Variants in UBE2R2 observed in about 807,000 individuals in gnomAD.
UBE2R2 encodes ubiquitin-conjugating enzyme E2 R2.
A neutral mutation model predicts 27.8 loss-of-function variants in UBE2R2; 1 was observed. The observed-to-expected ratio is 0.04, with a 90% CI of 0.01 to 0.17. UBE2R2 has a LOEUF of 0.17. UBE2R2 is among the 10% of genes least tolerant of loss of function. UBE2R2 has a pLI of 1.00. For synonymous variants in UBE2R2, 106 were observed against 113.3 expected, an observed-to-expected ratio of 0.94 and a Z score of 0.41; for missense variants, 100 against 291.0, an observed-to-expected ratio of 0.34 and a Z score of 4.78.
chr9:33,858,928 C>T (rs1339983952), intron 1 of UBE2R2, among the ~76,000 whole-genome samples: 1 of 152,020 alleles, frequency 6.6e-6, no homozygotes, highest in Admixed American at 6.6e-5. Context: ...TGGGTTCAAG[C>T]AGTTCTCCTG....
In UBE2R2 at chr9:33,917,059, G is replaced by T. The variant is rs772731336; in HGVS notation, c.539G>T (p.Gly180Val). ...SATKAEAEKD[G>V]VKVPTTLAEY... is the part of the protein sequence containing the mutation. ...ACTAAGGCCGAAGCAGAAAAGGATGGAGTGAAGGTCCCCACAACCCTGGCG... is the reference window on the plus strand; with the variant it reads ...ACTAAGGCCGAAGCAGAAAAGGATGTAGTGAAGGTCCCCACAACCCTGGCG... Residue 180 changes from glycine to valine, a missense_variant, in exon 5 of 5, where the codon GGA becomes GTA. Transcript: ENST00000263228. The T allele has an allele frequency of 6.2e-7, 1 of 1,614,226 alleles. No homozygotes were observed.
At chr9:33,819,474 T>G (rs1040460410) in intron 1 of UBE2R2, among the ~76,000 whole-genome samples, 3 of 152,184 alleles carry the variant, frequency 2.0e-5, no homozygotes, top group African/African-American at 7.2e-5. Flanking sequence ...TACCCTATAC[T>G]TTTCAGATGG....
chr9:33,828,739 T>G lies in UBE2R2; in HGVS notation c.177+10805T>G, dbSNP rs1820375071. On this transcript the variant is annotated intron_variant, in intron 1 of 4. Transcript: ENST00000263228. ...ACCATGCCCAGCTAATTTTTGTAGT[T>G]TTTTTTTTTTTGAGATGGAGTTTTG... Among the ~76,000 whole-genome samples the G allele has an allele frequency of 3.7e-4, 13 of 35,464 alleles. No individual in the cohort carries two copies. The South Asian group carries it at 0.016, about 43-fold the overall frequency. 23.3% of individuals were successfully genotyped at this position (35,464 alleles called of 152,430 possible). A position where few individuals can be genotyped will look rare whatever the true frequency, so the allele number is the denominator to read the frequency against.
At position 33,817,397 on chromosome 9, in the gene UBE2R2, G is replaced by T. The variant is rs1309132441; in HGVS notation, c.-361G>T. Among the ~76,000 whole-genome samples the T allele has an allele frequency of 6.8e-6, 1 of 147,680 alleles. No individual in the cohort carries two copies. The highest frequency in any genetic ancestry group is 2.5e-5 in the African/African-American group (1 of 39,916). ...CCGGCCCCCTCCCTTCACCATCGCC[G>T]GCCCTCCGCCGCCTTCCTCCGCTTC... On this transcript the variant is annotated 5_prime_UTR_variant, in exon 1 of 5. Coordinates refer to ENST00000263228, the MANE Select transcript of UBE2R2 (RefSeq NM_017811.4).
chr9:33,825,744 A>AAGTTT (rs2061816346), intron 1 of UBE2R2, among the ~76,000 whole-genome samples: 2 of 152,224 alleles, frequency 1.3e-5, no homozygotes, highest in Non-Finnish European at 2.9e-5. Context: ...GTTTAGGACT[A>AAGTTT]CAGATTTCCA....
chr9:33,840,991 C>G (rs368778357), intron 1 of UBE2R2, among the ~76,000 whole-genome samples: 1 of 152,036 alleles, frequency 6.6e-6, no homozygotes, highest in Admixed American at 6.6e-5. Context: ...GTGGGGCCAT[C>G]GCAACTCACT....
intron 1 of UBE2R2, among the ~76,000 whole-genome samples, chr9:33,824,136 A>G (rs1253397461): frequency 1.3e-5 from 2 of 152,182 alleles, no homozygotes; most frequent in African/African-American, 4.8e-5. Flanking sequence ...ATATGCTTTT[A>G]TCCTGTTTAG....
intron 1 of UBE2R2, among the ~76,000 whole-genome samples, chr9:33,826,968 A>C (rs1002946993): frequency 9.9e-5 from 15 of 152,268 alleles, no homozygotes; most frequent in Admixed American, 5.2e-4. Flanking sequence ...CTGTAGTCCC[A>C]GCTATCCGAG....
At chr9:33,835,420 T>G (rs944101750) in intron 1 of UBE2R2, among the ~76,000 whole-genome samples, 2 of 152,124 alleles carry the variant, frequency 1.3e-5, no homozygotes, top group Non-Finnish European at 2.9e-5. Context: ...GTGCTGAGAT[T>G]ATAGGCTTGA....
chr9:33,859,787 TGTGTGTGTGTGTGA>T (rs1324988212), intron 1 of UBE2R2, among the ~76,000 whole-genome samples: 76 of 108,582 alleles, frequency 7.0e-4, no homozygotes, highest in African/African-American at 2.0e-3. Flanking sequence ...TGTGTGTGTG[TGTGTGTGTGTGTGA>T]GAGAGAGAGA....
At chr9:33,821,497 C>G (rs1825980817) in intron 1 of UBE2R2, among the ~76,000 whole-genome samples, 1 of 152,054 alleles carries the variant, frequency 6.6e-6, no homozygotes, top group Non-Finnish European at 1.5e-5. Context: ...AGGATTGTAG[C>G]TTAGTGTGGG....
chr9:33,818,101 C>A (rs950787234), intron 1 of UBE2R2, among the ~76,000 whole-genome samples, 167 bp downstream of exon 1: 2 of 149,612 alleles, frequency 1.3e-5, no homozygotes, highest in Non-Finnish European at 3.0e-5. Flanking sequence ...CCTTGCTCGC[C>A]GAGTGCCTTT....
intron 1 of UBE2R2, among the ~76,000 whole-genome samples, chr9:33,861,192 C>A (rs2130767107): frequency 6.7e-6 from 1 of 150,358 alleles, no homozygotes; most frequent in Admixed American, 6.6e-5. Flanking sequence ...GATCTCCTGA[C>A]CTCATGATCC....
chr9:33,841,152 G>A (rs1291828609), intron 1 of UBE2R2, among the ~76,000 whole-genome samples: 1 of 150,850 alleles, frequency 6.6e-6, no homozygotes, highest in Admixed American at 6.6e-5. Flanking sequence ...GTGCGATCTC[G>A]GCTCACTGCA....
intron 1 of UBE2R2, among the ~76,000 whole-genome samples, chr9:33,834,402 G>A (rs1820567085): frequency 6.6e-6 from 1 of 151,266 alleles, no homozygotes; most frequent in South Asian, 2.1e-4. Flanking sequence ...TAGTAGAGAC[G>A]GGTTTCACCG....
chr9:33,825,770 A>G (rs1299170591), intron 1 of UBE2R2, among the ~76,000 whole-genome samples: 1 of 152,222 alleles, frequency 6.6e-6, no homozygotes, highest in Non-Finnish European at 1.5e-5. Context: ...CTTAAAGATT[A>G]TATTGAAAAG....
chr9:33,849,594 G>A (rs1345396723), intron 1 of UBE2R2, among the ~76,000 whole-genome samples: 4 of 151,720 alleles, frequency 2.6e-5, no homozygotes, highest in Non-Finnish European at 5.9e-5. Flanking sequence ...ATGGACGCCT[G>A]TAATCCCAGC....
intron 1 of UBE2R2, among the ~76,000 whole-genome samples, chr9:33,878,142 C>T (rs542943593): frequency 3.9e-5 from 6 of 152,234 alleles, no homozygotes; most frequent in Admixed American, 3.3e-4. Context: ...CTCATACAAA[C>T]GCATTAAATA....
chr9:33,872,692 AG>A (rs1484176495), intron 1 of UBE2R2, among the ~76,000 whole-genome samples: 2 of 152,040 alleles, frequency 1.3e-5, no homozygotes, highest in Non-Finnish European at 2.9e-5. Context: ...AGGCTGAGGC[AG>A]GAGAATCGCT....
Sources: gnomAD v4.1 joint callset for allele counts (sites outside exome capture counted in the v4.1 genomes callset) on GRCh38, gnomAD v4.1.1 for gene constraint, MANE v1.5 for transcripts, NCBI Gene and HGNC (gene_info 2026-07-23, HGNC 2026-07-21) for gene names.